Variants in FNDC3A observed in about 807,000 individuals in gnomAD.
FNDC3A encodes the protein fibronectin type III domain containing 3A, also known as fibronectin type-III domain-containing protein 3A.
A neutral mutation model predicts 148.9 loss-of-function variants in FNDC3A; 32 were observed. That is an observed-to-expected ratio of 0.21 (90% CI 0.16 to 0.29). The LOEUF (loss-of-function observed/expected upper bound fraction) is 0.29, where lower values mean the gene tolerates loss of function less well. Ranked by LOEUF, FNDC3A falls within the 10% of genes least tolerant of loss-of-function variation. FNDC3A has a pLI of 1.00. For synonymous variants in FNDC3A, 472 were observed against 473.6 expected (o/e 1.00, Z 0.04); for missense variants, 1,191 against 1,452.8 (o/e 0.82, Z 2.93).
intron 6 of FNDC3A, among the ~76,000 whole-genome samples, chr13:49,138,352 A>G (rs1417077681): frequency 2.6e-5 from 4 of 152,176 alleles, no homozygotes; most frequent in Non-Finnish European, 5.9e-5. Flanking sequence ...TTGGGAAACC[A>G]TAACTAAGGC....
intron 1 of FNDC3A, among the ~76,000 whole-genome samples, chr13:49,001,410 T>C (rs1952123935): frequency 6.6e-6 from 1 of 152,196 alleles, no homozygotes; most frequent in African/African-American, 2.4e-5. Flanking sequence ...TTGAACAATA[T>C]GAAATCTGGG....
chr13:49,067,334 C>G (rs145024865), intron 2 of FNDC3A, among the ~76,000 whole-genome samples: 20 of 152,310 alleles, frequency 1.3e-4, no homozygotes, highest in African/African-American at 4.3e-4. Context: ...TTAATTCCCT[C>G]TCTAATTTCC....
intron 2 of FNDC3A, chr13:49,045,710 C>G: frequency 8.7e-7 from 1 of 1,153,666 alleles, no homozygotes; most frequent in South Asian, 1.5e-5. Flanking sequence ...TAGCTTGGAC[C>G]TCTTGATTTT....
chr13:49,108,806 T>C (rs571709813), intron 3 of FNDC3A, among the ~76,000 whole-genome samples: 1 of 152,186 alleles, frequency 6.6e-6, no homozygotes, highest in Non-Finnish European at 1.5e-5. Flanking sequence ...CCTTGCCCTT[T>C]GGTCTCGTTT....
chr13:49,021,223 A>C (rs1287287692), intron 2 of FNDC3A, among the ~76,000 whole-genome samples: 1 of 152,156 alleles, frequency 6.6e-6, no homozygotes, highest in East Asian at 1.9e-4. Context: ...CCCTATATGA[A>C]CATCTTATTC....
intron 13 of FNDC3A, among the ~76,000 whole-genome samples, chr13:49,176,972 A>G (rs758494755): frequency 4.6e-5 from 7 of 151,732 alleles, no homozygotes; most frequent in Non-Finnish European, 1.0e-4. Flanking sequence ...GGCTAATTTT[A>G]TTTTTTGTAG....
At chr13:49,151,176 T>G (rs181658300) in intron 8 of FNDC3A, among the ~76,000 whole-genome samples, 423 of 151,900 alleles carry the variant, frequency 2.8e-3, no homozygotes, top group Non-Finnish European at 5.2e-3. Flanking sequence ...ATGCTGAGAG[T>G]GGGGGGTTGA....
chr13:49,012,142 G>A (rs1399380716), intron 2 of FNDC3A, among the ~76,000 whole-genome samples: 1 of 151,768 alleles, frequency 6.6e-6, no homozygotes, highest in Non-Finnish European at 1.5e-5. Flanking sequence ...TTGAGACGGA[G>A]TCTTGCTCTG....
chr13:49,020,837 G>A (rs946033717), intron 2 of FNDC3A, among the ~76,000 whole-genome samples: 7 of 152,184 alleles, frequency 4.6e-5, no homozygotes, highest in African/African-American at 1.4e-4. Flanking sequence ...ACTAGGTTAA[G>A]TAACATAGCT....
intron 3 of FNDC3A, among the ~76,000 whole-genome samples, chr13:49,089,512 T>C (rs1437002521): frequency 2.0e-5 from 3 of 152,212 alleles, no homozygotes; most frequent in Non-Finnish European, 4.4e-5. Flanking sequence ...TGGAAGAGAT[T>C]TGAAGCATGA....
intron 20 of FNDC3A, 60 bp from the exon 21 acceptor site, chr13:49,197,665 G>A: frequency 6.8e-7 from 1 of 1,462,236 alleles, no homozygotes; most frequent in South Asian, 1.3e-5. Flanking sequence ...GAGCATTTTT[G>A]GCCAAAAGCT....
chr13:49,163,758 A>G (rs1163696199), intron 8 of FNDC3A, among the ~76,000 whole-genome samples: 2 of 152,226 alleles, frequency 1.3e-5, no homozygotes, highest in African/African-American at 2.4e-5. Flanking sequence ...CTATTCGGCC[A>G]TCTTGGATCA....
At chr13:49,168,102 A>G (rs546767940) in intron 9 of FNDC3A, among the ~76,000 whole-genome samples, 48 of 152,216 alleles carry the variant, frequency 3.2e-4, no homozygotes, top group Non-Finnish European at 5.6e-4. Context: ...GAAGCCTAAT[A>G]TAACACATTT....
intron 2 of FNDC3A, among the ~76,000 whole-genome samples, chr13:49,020,074 G>A (rs1873205397): frequency 6.6e-6 from 1 of 152,068 alleles, no homozygotes; most frequent in Non-Finnish European, 1.5e-5. Flanking sequence ...TATGTAAGTG[G>A]TATTAAAATG....
At chr13:49,186,169 AT>A (rs1330772650) in intron 15 of FNDC3A, 67 bp downstream of exon 15, 2 of 1,321,010 alleles carry the variant, frequency 1.5e-6, no homozygotes, top group African/African-American at 3.0e-5. Context: ...GAATATGAAG[AT>A]AATTTTTAAG....
intron 3 of FNDC3A, among the ~76,000 whole-genome samples, chr13:49,101,590 G>A (rs1879855695): frequency 6.6e-6 from 1 of 151,610 alleles, no homozygotes; most frequent in African/African-American, 2.4e-5. Flanking sequence ...GATCTGGTTT[G>A]CCAGGAAAAA....
chr13:49,107,219 T>TA (rs748856250), intron 3 of FNDC3A, among the ~76,000 whole-genome samples: 1 of 152,162 alleles, frequency 6.6e-6, no homozygotes, highest in Non-Finnish European at 1.5e-5. Flanking sequence ...GGTCAGAAAA[T>TA]AGAGTCATGT....
Position 49,034,980 on chromosome 13 carries a change from T to C in FNDC3A, c.99+28691T>C, listed in dbSNP as rs1874390232. Among the ~76,000 whole-genome samples, 3 of 152,072 alleles carry C rather than the reference T, an allele frequency of 2.0e-5. No individual in the cohort carries two copies. The South Asian group carries it at 6.2e-4, about 31-fold the overall frequency. The stretch of plus-strand genomic sequence containing the variant: ...CTGGACTTATTTTGAATATCAGTTT[T>C]TAAAGAGTGGTACAGTGGTTAAAAA... On this transcript the variant is annotated intron_variant, in intron 2 of 25. Coordinates refer to ENST00000492622, the MANE Select transcript of FNDC3A (RefSeq NM_001079673.2).
intron 3 of FNDC3A, chr13:49,110,222 C>T: frequency 1.5e-6 from 1 of 672,000 alleles, no homozygotes; most frequent in East Asian, 3.2e-5. Flanking sequence ...TTCCCCCTTG[C>T]CCTTTCCTGG....
Sources: gnomAD v4.1 joint callset for allele counts (sites outside exome capture counted in the v4.1 genomes callset) on GRCh38, gnomAD v4.1.1 for gene constraint, MANE v1.5 for transcripts, NCBI Gene and HGNC (gene_info 2026-07-23, HGNC 2026-07-21) for gene names.